Variants in POLN observed in about 807,000 individuals in gnomAD.
The protein encoded by POLN is DNA polymerase N.
Under a neutral mutation model 113.5 loss-of-function variants are expected in POLN, and 108 were observed. That is an observed-to-expected ratio of 0.95 (90% CI 0.81 to 1.12). The LOEUF (loss-of-function observed/expected upper bound fraction) is 1.12. POLN is among the 50% of genes most tolerant of loss of function. POLN has a pLI of 0.00. For synonymous variants in POLN, 386 were observed against 391.5 expected (o/e 0.99, Z 0.17); for missense variants, 1,097 against 1,077.1 (o/e 1.02, Z -0.26).
At chr4:2,151,637 AAAAAGAAATGAG>A (rs1732298098) in intron 16 of POLN, among the ~76,000 whole-genome samples, 1 of 152,246 alleles carries the variant, frequency 6.6e-6, no homozygotes, top group Non-Finnish European at 1.5e-5. Flanking sequence ...ACTGAGCAGT[AAAAAGAAATGAG>A]CTACTGAAAC....
chr4:2,087,129 T>A (rs1730568897), intron 20 of POLN, among the ~76,000 whole-genome samples: 1 of 152,134 alleles, frequency 6.6e-6, no homozygotes, highest in East Asian at 1.9e-4. Context: ...CCAAAGTTTA[T>A]CCCGGCAGAA....
At chr4:2,206,575 A>G (rs973372203) in intron 5 of POLN, among the ~76,000 whole-genome samples, 2 of 152,234 alleles carry the variant, frequency 1.3e-5, no homozygotes, top group African/African-American at 2.4e-5. Flanking sequence ...ATCCCATCAA[A>G]AAGTGGGCTA....
At chr4:2,220,357 C>T (rs1734225730) in intron 3 of POLN, among the ~76,000 whole-genome samples, 3 of 152,208 alleles carry the variant, frequency 2.0e-5, no homozygotes, top group Non-Finnish European at 4.4e-5. Context: ...TTCTAGCCAG[C>T]CCTCCAGCAA....
chr4:2,140,871 C>T (rs984921380), intron 16 of POLN: 2 of 152,340 alleles, frequency 1.3e-5, no homozygotes, highest in African/African-American at 4.8e-5. Flanking sequence ...CACCCCCCTC[C>T]TTTAAGCCAA....
In POLN at chr4:2,088,737, T is replaced by A. The variant is rs10004335; in HGVS notation, c.2066-2993A>T. 1.7e-3 allele frequency: 1,978 copies of A among 1,188,686 alleles called. 39 individuals are homozygous for A. In the Admixed American group the frequency reaches 0.048, roughly 29 times the overall value. 73.6% of individuals were successfully genotyped at this position (1,188,686 alleles called of 1,614,324 possible). A position where few individuals can be genotyped will look rare whatever the true frequency, so the allele number is the denominator to read the frequency against. Reference sequence around the variant, plus strand: ...TATTCTCTAGTAAATGCTTTTTTTTTATTAGCTTTTACAATGTCATCAGGT... The same window carrying A: ...TATTCTCTAGTAAATGCTTTTTTTTAATTAGCTTTTACAATGTCATCAGGT... On this transcript the variant is annotated intron_variant, in intron 20 of 25. Transcript: ENST00000511885.
intron 1 of POLN, 123 bp from the exon 2 acceptor site, chr4:2,241,913 C>T: frequency 1.0e-6 from 1 of 985,502 alleles, no homozygotes; most frequent in Non-Finnish European, 1.2e-6. Flanking sequence ...GCCCTGATCC[C>T]CGGGCAGCTG....
intron 3 of POLN, among the ~76,000 whole-genome samples, chr4:2,216,596 T>C (rs1734118526): frequency 6.6e-6 from 1 of 152,226 alleles, no homozygotes. Context: ...TGCCCACTGC[T>C]GCAGTTCCTT....
At chr4:2,163,989 T>C (rs1732664875) in intron 13 of POLN, among the ~76,000 whole-genome samples, 1 of 152,216 alleles carries the variant, frequency 6.6e-6, no homozygotes, top group African/African-American at 2.4e-5. Context: ...GAGTAGTGGC[T>C]GTATCTATTT....
rs190123281 is a variant in POLN at position 2,146,436 on chromosome 4, C to T, written c.1731+10352G>A. ...GGCAGAATTGCTTGAACCCAGGAGGCGGAGGTTGCAGTGAGCCAAGATTGC... is the reference window on the plus strand; with the variant it reads ...GGCAGAATTGCTTGAACCCAGGAGGTGGAGGTTGCAGTGAGCCAAGATTGC... On this transcript the variant is annotated intron_variant, in intron 16 of 25. Coordinates refer to ENST00000511885, the MANE Select transcript of POLN (RefSeq NM_181808.4). Among the ~76,000 whole-genome samples the T allele has an allele frequency of 8.3e-3, 1,259 of 152,268 alleles. 19 individuals carry two copies. The highest frequency in any genetic ancestry group is 0.029 in the African/African-American group (1,212 of 41,550).
chr4:2,186,430 TG>T (rs1287231189), intron 7 of POLN, among the ~76,000 whole-genome samples: 9 of 152,160 alleles, frequency 5.9e-5, no homozygotes, highest in Middle Eastern at 6.3e-3. Context: ...CCCCTGGGCA[TG>T]AACTCCCGGC....
intron 4 of POLN, among the ~76,000 whole-genome samples, chr4:2,212,385 A>C (rs1734014031): frequency 6.6e-6 from 1 of 151,452 alleles, no homozygotes; most frequent in African/African-American, 2.4e-5. Flanking sequence ...TTTTATTTCT[A>C]TTTTTTAGAC....
Position 2,192,609 on chromosome 4 carries a change from A to AT in POLN, c.1021+594dup, listed in dbSNP as rs1181973745. 9.9e-5 allele frequency among the ~76,000 whole-genome samples: 15 copies of AT among 151,610 alleles called. No individual in the cohort carries two copies. In the East Asian group the frequency reaches 2.8e-3, roughly 28 times the overall value. On this transcript the variant is annotated intron_variant, in intron 7 of 25. Coordinates refer to ENST00000511885, the MANE Select transcript of POLN (RefSeq NM_181808.4). ...TGCCTCAGCCTCCCAAAGTGCTGGG[A>AT]TTACAGGTGTGACCCACTGTGCCCG...
rs533215160 is a variant in POLN, at chr4:2,174,127, T to C, written c.1310-108A>G. ...AGGACAATAATGACTGCAACTGCCA[T>C]TTACTCAGCACCTGCTGCATGCCAA... On this transcript the variant is annotated intron_variant, in intron 10 of 25. Transcript: ENST00000511885. The C allele has an allele frequency of 8.7e-6, 9 of 1,037,516 alleles. No homozygotes were observed. In the Admixed American group the frequency reaches 1.4e-4, roughly 16 times the overall value. The allele number at this position is 1,037,516 out of a possible 1,614,324, so 64.3% of individuals were successfully genotyped here. A position where few individuals can be genotyped will look rare whatever the true frequency, so the allele number is the denominator to read the frequency against.
chr4:2,133,816 T>C (rs1367943313), intron 16 of POLN, among the ~76,000 whole-genome samples: 1 of 152,210 alleles, frequency 6.6e-6, no homozygotes, highest in Non-Finnish European at 1.5e-5. Flanking sequence ...CATGTCACAT[T>C]CTGTCTCCCA....
intron 6 of POLN, among the ~76,000 whole-genome samples, chr4:2,197,018 G>T (rs893752840): frequency 6.6e-6 from 1 of 152,212 alleles, no homozygotes; most frequent in Non-Finnish European, 1.5e-5. Context: ...GTTGAAGACA[G>T]CGGAGGGGCC....
chr4:2,145,971 A>G (rs1158717889), intron 16 of POLN, among the ~76,000 whole-genome samples: 1 of 152,224 alleles, frequency 6.6e-6, no homozygotes, highest in Non-Finnish European at 1.5e-5. Flanking sequence ...GATAAATCTC[A>G]AAAACATAAT....
intron 7 of POLN, among the ~76,000 whole-genome samples, chr4:2,187,372 T>C (rs997742411): frequency 9.2e-5 from 14 of 152,116 alleles, no homozygotes; most frequent in Non-Finnish European, 1.9e-4. Context: ...GCCTCCCGAG[T>C]ATCTGGGATT....
intron 23 of POLN, among the ~76,000 whole-genome samples, chr4:2,078,096 A>C (rs1730318823): frequency 1.3e-5 from 2 of 152,250 alleles, no homozygotes; most frequent in African/African-American, 4.8e-5. Flanking sequence ...GGATGCCCCC[A>C]GCCCTGCTGA....
Position 2,208,119 on chromosome 4 carries a change from T to C in POLN, c.582A>G (p.Lys194=), listed in dbSNP as rs141707854. The change falls in exon 5 of 26, where the codon AAA becomes AAG. Residue 194 remains lysine, a synonymous_variant. Coordinates refer to ENST00000511885, the MANE Select transcript of POLN (RefSeq NM_181808.4). ...AATGCCTAATATCACAAAAATGTTT[T>C]TTCAATGCTCCTGAGTTCCCAGAAT... ...YLNSGNSGAL[K]KHFCDIRHLD... is the part of the protein sequence containing the mutation. 7.3e-4 allele frequency: 1,184 copies of C among 1,614,226 alleles called. 3 individuals are homozygous for C. The highest frequency in any genetic ancestry group is 4.1e-3 in the Middle Eastern group (25 of 6,062).
Sources: gnomAD v4.1 joint callset for allele counts (sites outside exome capture counted in the v4.1 genomes callset) on GRCh38, gnomAD v4.1.1 for gene constraint, MANE v1.5 for transcripts, NCBI Gene and HGNC (gene_info 2026-07-23, HGNC 2026-07-21) for gene names.